Variants in CDH19 observed in about 807,000 individuals in gnomAD.
CDH19 encodes cadherin-19.
In CDH19, 67 loss-of-function variants were observed where a neutral mutation model predicts 64.2. The ratio of observed to expected loss-of-function variants is 1.04; its 90% CI spans 0.86 to 1.28. The LOEUF is 1.28. Among genes scored for constraint, CDH19 ranks in the 50% most tolerant of loss-of-function variants. The probability of loss-of-function intolerance (pLI) is 0.00; values close to 1 mark genes in which losing one functional copy is unlikely to be tolerated. For missense variants in CDH19, 1,030 were observed against 929.0 expected (o/e 1.11, Z -1.41); for synonymous variants, 346 against 319.3 (o/e 1.08, Z -0.89).
At chr18:66,517,755 A>C (rs1190573351) in intron 9 of CDH19, among the ~76,000 whole-genome samples, 1 of 152,090 alleles carries the variant, frequency 6.6e-6, no homozygotes, top group Admixed American at 6.6e-5. Flanking sequence ...TAAATTAAAA[A>C]TATGTATAAA....
At chr18:66,597,559 G>T (rs1250681192) in intron 1 of CDH19, among the ~76,000 whole-genome samples, 1 of 152,080 alleles carries the variant, frequency 6.6e-6, no homozygotes, top group Non-Finnish European at 1.5e-5. Flanking sequence ...TTCCATAACA[G>T]ACTCCAAAAG....
At chr18:66,513,431 A>G (rs1985587518) in intron 9 of CDH19, among the ~76,000 whole-genome samples, 1 of 151,474 alleles carries the variant, frequency 6.6e-6, no homozygotes, top group Admixed American at 6.6e-5. Flanking sequence ...ACTGGCTTTC[A>G]TAATTACTTT....
intron 3 of CDH19, among the ~76,000 whole-genome samples, chr18:66,558,017 C>A (rs553537271): frequency 6.6e-6 from 1 of 151,564 alleles, no homozygotes; most frequent in Non-Finnish European, 1.5e-5. Context: ...TTGTCCTAGG[C>A]GTTTGCTCCT....
intron 5 of CDH19, among the ~76,000 whole-genome samples, chr18:66,546,209 T>C (rs1244476203): frequency 6.6e-6 from 1 of 152,132 alleles, no homozygotes; most frequent in Admixed American, 6.5e-5. Flanking sequence ...AAAGATTGCA[T>C]TTGAGACCTT....
intron 3 of CDH19, among the ~76,000 whole-genome samples, chr18:66,560,755 G>C (rs1250323505): frequency 2.6e-5 from 4 of 151,950 alleles, no homozygotes; most frequent in Admixed American, 2.0e-4. Flanking sequence ...TGCATTATCT[G>C]ATAAGAACAT....
At chr18:66,574,287 AT>A (rs1166899641) in intron 1 of CDH19, among the ~76,000 whole-genome samples, 2 of 151,728 alleles carry the variant, frequency 1.3e-5, no homozygotes, top group Non-Finnish European at 2.9e-5. Context: ...GTAATATAAA[AT>A]ATTCATCAAA....
chr18:66,527,466 C>T (rs561562065), intron 9 of CDH19, among the ~76,000 whole-genome samples: 3 of 151,946 alleles, frequency 2.0e-5, no homozygotes, highest in Middle Eastern at 3.4e-3. Context: ...TAAACAGAAA[C>T]GGCCAAGTGT....
intron 7 of CDH19, among the ~76,000 whole-genome samples, chr18:66,535,737 G>T (rs1350658148): frequency 6.9e-6 from 1 of 144,382 alleles, no homozygotes; most frequent in Non-Finnish European, 1.5e-5. Context: ...ATACATATAT[G>T]CTTTATTCTA....
At chr18:66,586,664 T>C (rs1988588112) in intron 1 of CDH19, among the ~76,000 whole-genome samples, 1 of 152,052 alleles carries the variant, frequency 6.6e-6, no homozygotes, top group Admixed American at 6.6e-5. Flanking sequence ...GATTTTACAC[T>C]ATGTGGTGAA....
intron 3 of CDH19, among the ~76,000 whole-genome samples, chr18:66,559,392 A>C (rs2144540311): frequency 6.6e-6 from 1 of 152,040 alleles, no homozygotes; most frequent in Non-Finnish European, 1.5e-5. Flanking sequence ...CCTCTGCAAT[A>C]ATAAAAAGAA....
chr18:66,561,020 G>C (rs1474808453), intron 3 of CDH19, among the ~76,000 whole-genome samples: 2 of 151,934 alleles, frequency 1.3e-5, no homozygotes, highest in African/African-American at 2.4e-5. Flanking sequence ...TTCTTCATAA[G>C]TATTTACATC....
intron 7 of CDH19, among the ~76,000 whole-genome samples, chr18:66,538,840 C>T (rs762265602): frequency 9.9e-5 from 15 of 152,032 alleles, no homozygotes; most frequent in Non-Finnish European, 2.2e-4. Context: ...ATCTCTGCTT[C>T]GGTTGTCACA....
chr18:66,591,958 G>A (rs1988759760), intron 1 of CDH19, among the ~76,000 whole-genome samples: 1 of 151,740 alleles, frequency 6.6e-6, no homozygotes, highest in Admixed American at 6.6e-5. Flanking sequence ...GCATTTCAAA[G>A]TGCATACTGA....
intron 1 of CDH19, among the ~76,000 whole-genome samples, chr18:66,573,541 T>C (rs2144585008): frequency 6.6e-6 from 1 of 151,766 alleles, no homozygotes; most frequent in Non-Finnish European, 1.5e-5. Context: ...TTCAGATAAA[T>C]CTGCTCTTTA....
At chr18:66,522,323 A>G (rs1598977601) in intron 9 of CDH19, among the ~76,000 whole-genome samples, 1 of 151,004 alleles carries the variant, frequency 6.6e-6, no homozygotes, top group East Asian at 2.0e-4. Context: ...GCTCACTGCA[A>G]CCTCCACCTC....
Position 66,523,618 on chromosome 18 carries a change from G to A in CDH19, c.1458+6227C>T, listed in dbSNP as rs535387066. 1.1e-4 allele frequency among the ~76,000 whole-genome samples: 17 copies of A among 151,390 alleles called. 1 individual carries two copies. Among genetic ancestry groups the A allele is most frequent in the Non-Finnish European group, 2.1e-4 (14 of 67,804 alleles). On this transcript the variant is annotated intron_variant, in intron 9 of 11. Transcript: ENST00000262150. ...CACAGTGTTTACACTCGGTGGGGGT[G>A]GGGGGGGAGTGGGTCTCAAGGCGGT...
At chr18:66,535,987 A>C (rs1465949954) in intron 7 of CDH19, among the ~76,000 whole-genome samples, 2 of 148,810 alleles carry the variant, frequency 1.3e-5, no homozygotes, top group Non-Finnish European at 3.0e-5. Context: ...ATGTGCTTTT[A>C]GATTGTGCAT....
chr18:66,564,512 G>T (rs1004674797), intron 3 of CDH19, among the ~76,000 whole-genome samples: 4 of 151,776 alleles, frequency 2.6e-5, no homozygotes, highest in Non-Finnish European at 5.9e-5. Flanking sequence ...ATATTTATTT[G>T]GAAAAGCTCC....
chr18:66,588,604 T>TCATATA (rs1185821180), intron 1 of CDH19, among the ~76,000 whole-genome samples: 2 of 104,604 alleles, frequency 1.9e-5, no homozygotes, highest in African/African-American at 5.5e-5. Flanking sequence ...TTTTTACTAA[T>TCATATA]CATATATATC....
Sources: allele counts gnomAD v4.1 joint callset (sites outside exome capture counted in the v4.1 genomes callset), GRCh38; gene constraint gnomAD v4.1.1; transcripts MANE v1.5; gene names NCBI Gene and HGNC (gene_info 2026-07-23, HGNC 2026-07-21).